The following GPC6 variants were observed in gnomAD, a reference collection of about 807,000 sequenced individuals.
GPC6 encodes glypican 6.
In GPC6, 14 loss-of-function variants were observed where a neutral mutation model predicts 55.2. The observed-to-expected ratio is 0.25, with a 90% CI of 0.17 to 0.40. GPC6 has a LOEUF of 0.40. GPC6 is among the 10% of genes least tolerant of loss of function. The pLI, the probability that GPC6 is intolerant of heterozygous loss-of-function variation, is 1.00. For missense variants in GPC6, 641 were observed against 708.5 expected, an observed-to-expected ratio of 0.90 and a Z score of 1.08; for synonymous variants, 278 against 259.6, an observed-to-expected ratio of 1.07 and a Z score of -0.68.
chr13:94,280,312 G>A (rs534762661), intron 4 of GPC6, among the ~76,000 whole-genome samples: 1 of 152,274 alleles, frequency 6.6e-6, no homozygotes, highest in South Asian at 2.1e-4. Context: ...TAAAAGGGCT[G>A]GGACCTTCTG....
intron 6 of GPC6, among the ~76,000 whole-genome samples, chr13:94,375,708 A>C (rs200715810): frequency 0.11 from 13,793 of 130,218 alleles, 798 homozygotes; most frequent in East Asian, 0.29. Context: ...TGAGGCCAGC[A>C]TCATTCTGAT....
intron 3 of GPC6, among the ~76,000 whole-genome samples, chr13:93,942,791 T>C (rs1878801953): frequency 6.6e-6 from 1 of 152,172 alleles, no homozygotes; most frequent in African/African-American, 2.4e-5. Flanking sequence ...ACTACACTAA[T>C]AGTACATTCA....
At chr13:93,718,148 A>G (rs950070395) in intron 2 of GPC6, among the ~76,000 whole-genome samples, 5 of 151,898 alleles carry the variant, frequency 3.3e-5, no homozygotes, top group Admixed American at 6.6e-5. Context: ...GCTGGGTCAA[A>G]TGGTATTTCT....
At chr13:93,455,769 A>G (rs778080921) in intron 1 of GPC6, among the ~76,000 whole-genome samples, 4 of 152,096 alleles carry the variant, frequency 2.6e-5, no homozygotes, top group Non-Finnish European at 5.9e-5. Context: ...TCTTTTCTCC[A>G]TTCATCCTGT....
chr13:93,862,843 T>C (rs1186877095), intron 3 of GPC6, among the ~76,000 whole-genome samples: 1 of 151,690 alleles, frequency 6.6e-6, no homozygotes, highest in Non-Finnish European at 1.5e-5. Flanking sequence ...GTATGTGCCA[T>C]TTGTTTTATC....
chr13:93,557,663 C>A (rs41403347), intron 2 of GPC6, among the ~76,000 whole-genome samples: 1 of 152,050 alleles, frequency 6.6e-6, no homozygotes, highest in Non-Finnish European at 1.5e-5. Context: ...GGTTCCAAGT[C>A]CCCCTACAAA....
At chr13:93,615,750 TG>T (rs1878690824) in intron 2 of GPC6, among the ~76,000 whole-genome samples, 1 of 152,150 alleles carries the variant, frequency 6.6e-6, no homozygotes, top group African/African-American at 2.4e-5. Flanking sequence ...GACTTGGCCT[TG>T]GTTCCACAGT....
intron 7 of GPC6, among the ~76,000 whole-genome samples, chr13:94,395,485 G>A (rs1238963479): frequency 1.3e-5 from 2 of 152,162 alleles, no homozygotes; most frequent in African/African-American, 4.8e-5. Flanking sequence ...AAGACATGGA[G>A]CTTATTCATG....
At chr13:93,640,739 CCTCCCCACTTTCCTTCCCTCCCT>C (rs1879882093) in intron 2 of GPC6, among the ~76,000 whole-genome samples, 1 of 117,338 alleles carries the variant, frequency 8.5e-6, no homozygotes, top group Admixed American at 8.6e-5. Flanking sequence ...TTCCCTCCCT[CCTCCCCACTTTCCTTCCCTCCCT>C]CCTCCCCACT....
chr13:93,948,237 TTCC>T (rs1260690790), intron 3 of GPC6, among the ~76,000 whole-genome samples: 1 of 152,206 alleles, frequency 6.6e-6, no homozygotes, highest in Non-Finnish European at 1.5e-5. Flanking sequence ...AATGATTATA[TTCC>T]TCCTATCGTA....
At chr13:93,734,552 G>A (rs1207520300) in intron 2 of GPC6, among the ~76,000 whole-genome samples, 1 of 152,048 alleles carries the variant, frequency 6.6e-6, no homozygotes, top group Admixed American at 6.6e-5. Context: ...GAATTTCATT[G>A]CTTTTTTATC....
intron 6 of GPC6, among the ~76,000 whole-genome samples, chr13:94,380,270 GATATAA>G: frequency 6.6e-6 from 1 of 152,306 alleles, no homozygotes; most frequent in African/African-American, 2.4e-5. Context: ...TTCTGAACCA[GATATAA>G]ATATAAAACA....
rs1321517513 is a variant in GPC6, at chr13:94,157,967, C to A, written c.878-128382C>A. Among the ~76,000 whole-genome samples the A allele has an allele frequency of 3.3e-5, 5 of 152,076 alleles. No individual in the cohort carries two copies. In the East Asian group the frequency reaches 9.7e-4, roughly 29 times the overall value. On this transcript the variant is annotated intron_variant, in intron 4 of 8. Transcript: ENST00000377047. ...GGGAGGCTGGGAAGATGGAAATTAC[C>A]ATGGACTAAGAGAAAGAACACAGAG...
At chr13:93,464,667 A>T (rs919404356) in intron 1 of GPC6, among the ~76,000 whole-genome samples, 1 of 152,156 alleles carries the variant, frequency 6.6e-6, no homozygotes, top group Non-Finnish European at 1.5e-5. Context: ...GACCCCTCCA[A>T]GTCATCTATG....
At chr13:93,513,591 C>A (rs957844555) in intron 1 of GPC6, among the ~76,000 whole-genome samples, 3 of 152,144 alleles carry the variant, frequency 2.0e-5, no homozygotes, top group Admixed American at 6.5e-5. Flanking sequence ...CAGAGATATT[C>A]TAAAATAAAA....
intron 3 of GPC6, among the ~76,000 whole-genome samples, chr13:93,849,790 C>T (rs150054946): frequency 3.9e-4 from 59 of 152,058 alleles, no homozygotes; most frequent in African/African-American, 1.3e-3. Context: ...AGTCTTCACA[C>T]GTGAACATTG....
In GPC6 at chr13:93,769,269, G is replaced by A. The variant is rs573154066; in HGVS notation, c.320-60885G>A. 1.3e-3 allele frequency among the ~76,000 whole-genome samples: 195 copies of A among 152,174 alleles called. 1 individual carries two copies. Among genetic ancestry groups the A allele is most frequent in the Non-Finnish European group, 2.5e-3 (171 of 67,998 alleles). On this transcript the variant is annotated intron_variant, in intron 2 of 8. Coordinates refer to ENST00000377047, the MANE Select transcript of GPC6 (RefSeq NM_005708.5). ...GAAGACAGAGCAAAGTAATATTCTT[G>A]CCAAAAGTTATCACAGTTTAATAGC...
chr13:93,221,300 T>G, the GPC6 span, among the ~76,000 whole-genome samples: 1 of 152,236 alleles, frequency 6.6e-6, no homozygotes, highest in Non-Finnish European at 1.5e-5. Context: ...CTGACATATA[T>G]GAAGACTAAA....
chr13:93,911,993 A>G (rs1294542431), intron 3 of GPC6, among the ~76,000 whole-genome samples: 1 of 152,182 alleles, frequency 6.6e-6, no homozygotes, highest in African/African-American at 2.4e-5. Flanking sequence ...TACTGCAGGA[A>G]GAGAAGCATC....
Sources: gnomAD v4.1 joint callset for allele counts (sites outside exome capture counted in the v4.1 genomes callset) on GRCh38, gnomAD v4.1.1 for gene constraint, MANE v1.5 for transcripts, NCBI Gene and HGNC (gene_info 2026-07-23, HGNC 2026-07-21) for gene names.